The following GABRA5 variants were observed in gnomAD, a reference collection of about 807,000 sequenced individuals.
GABRA5 encodes the protein gamma-aminobutyric acid receptor subunit alpha-5.
Under a neutral mutation model 47.3 loss-of-function variants are expected in GABRA5, and 18 were observed. The observed-to-expected ratio is 0.38, with a 90% CI of 0.26 to 0.56. The LOEUF (loss-of-function observed/expected upper bound fraction) is 0.56, where lower values mean the gene tolerates loss of function less well. Ranked by LOEUF, GABRA5 falls within the 20% of genes least tolerant of loss-of-function variation. GABRA5 has a pLI of 0.71. For synonymous variants in GABRA5, 237 were observed against 229.3 expected (o/e 1.03, Z -0.30); for missense variants, 365 against 599.3 (o/e 0.61, Z 4.08).
At chr15:26,944,115 T>A (rs1894454858) in intron 10 of GABRA5, among the ~76,000 whole-genome samples, 1 of 152,156 alleles carries the variant, frequency 6.6e-6, no homozygotes, top group South Asian at 2.1e-4. Context: ...GTCAGAGCCA[T>A]CGGGGCGACC....
intron 8 of GABRA5, chr15:26,939,248 G>A (rs537457500): frequency 1.3e-6 from 1 of 765,300 alleles, no homozygotes; most frequent in East Asian, 2.4e-5. Context: ...AGTTCACCGT[G>A]AGGACGGCAT....
rs546484976 is a variant in GABRA5, at chr15:26,867,582, G to A, written c.-140+471G>A. 4.9e-3 allele frequency among the ~76,000 whole-genome samples: 739 copies of A among 152,102 alleles called. 7 individuals carry two copies. The highest frequency in any genetic ancestry group is 0.017 in the African/African-American group (700 of 41,532). On this transcript the variant is annotated intron_variant, in intron 1 of 10. Coordinates refer to ENST00000335625, the MANE Select transcript of GABRA5 (RefSeq NM_000810.4). The surrounding 1 kb of genome is among the most constrained non-coding windows in gnomAD (Gnocchi z 5.9). ...GCAAACTTTACCCTGGCGACTGCGG[G>A]GCTGAAGCCGGGCGCGGGAGAGAGC...
chr15:26,876,916 G>A (rs1402159850), intron 3 of GABRA5, among the ~76,000 whole-genome samples: 4 of 152,186 alleles, frequency 2.6e-5, no homozygotes, highest in Non-Finnish European at 2.9e-5. Flanking sequence ...ACAGGGCTGA[G>A]TCTAGGAAGG....
intron 6 of GABRA5, among the ~76,000 whole-genome samples, chr15:26,914,182 T>C (rs1417867370): frequency 6.6e-6 from 1 of 152,122 alleles, no homozygotes; most frequent in African/African-American, 2.4e-5. Flanking sequence ...ATAATTAGGG[T>C]GTACCAGAAG....
intron 6 of GABRA5, among the ~76,000 whole-genome samples, chr15:26,908,379 G>T (rs968778378): frequency 3.3e-5 from 5 of 152,108 alleles, no homozygotes; most frequent in Non-Finnish European, 5.9e-5. Flanking sequence ...CTGGTGTGCT[G>T]AATAAGCCCT....
intron 6 of GABRA5, among the ~76,000 whole-genome samples, chr15:26,912,119 G>A (rs887997258): frequency 2.0e-5 from 3 of 152,138 alleles, no homozygotes; most frequent in Non-Finnish European, 4.4e-5. Context: ...CAAGGCCACA[G>A]GCGATCGCAA....
intron 6 of GABRA5, among the ~76,000 whole-genome samples, chr15:26,890,426 A>ATTTTTTTTTTTTTTTTTT (rs201726196): frequency 1.6e-5 from 2 of 128,582 alleles, no homozygotes; most frequent in African/African-American, 3.2e-5. Flanking sequence ...AGTCACTTCA[A>ATTTTTTTTTTTTTTTTTT]TTTTTTTTTT....
At chr15:26,942,649 G>T (rs1333480948) in intron 9 of GABRA5, among the ~76,000 whole-genome samples, 1 of 152,174 alleles carries the variant, frequency 6.6e-6, no homozygotes, top group Non-Finnish European at 1.5e-5. Flanking sequence ...CTGGCTGTTT[G>T]CCTGGCTTTG....
At chr15:26,900,853 T>A (rs953827404) in intron 6 of GABRA5, among the ~76,000 whole-genome samples, 2 of 152,258 alleles carry the variant, frequency 1.3e-5, no homozygotes, top group African/African-American at 4.8e-5. Context: ...GTGCTCTGCT[T>A]AATTTTATCC....
chr15:26,878,519 A>C (rs28615730), intron 3 of GABRA5, among the ~76,000 whole-genome samples: 265 of 152,298 alleles, frequency 1.7e-3, no homozygotes, highest in African/African-American at 5.6e-3. Flanking sequence ...AACAAACAAA[A>C]AAAAACCCCT....
intron 3 of GABRA5, among the ~76,000 whole-genome samples, chr15:26,876,204 A>G (rs1892593582): frequency 6.6e-6 from 1 of 152,152 alleles, no homozygotes; most frequent in Admixed American, 6.5e-5. Flanking sequence ...TGGTGTGGGA[A>G]GCCCCTGGAG....
chr15:26,939,440 ACT>A, intron 8 of GABRA5: 1 of 762,244 alleles, frequency 1.3e-6, no homozygotes, highest in South Asian at 1.3e-5. Flanking sequence ...GCTGCATCTC[ACT>A]CTGCACCTGC....
chr15:26,942,327 T>C (rs1595437641), intron 9 of GABRA5, among the ~76,000 whole-genome samples: 1 of 152,178 alleles, frequency 6.6e-6, no homozygotes, highest in East Asian at 1.9e-4. Context: ...GTGTGGTCAC[T>C]GCAAAGTTTT....
intron 9 of GABRA5, among the ~76,000 whole-genome samples, chr15:26,942,368 G>T (rs147015104): frequency 1.1e-3 from 173 of 152,330 alleles, no homozygotes; most frequent in African/African-American, 4.0e-3. Flanking sequence ...TGCACAGCAG[G>T]CTCCAGGGGA....
At chr15:26,886,302 G>A (rs1892878717) in intron 6 of GABRA5, among the ~76,000 whole-genome samples, 1 of 152,200 alleles carries the variant, frequency 6.6e-6, no homozygotes, top group Admixed American at 6.5e-5. Flanking sequence ...TTACAGGCGT[G>A]AGCCACTGTG....
intron 6 of GABRA5, among the ~76,000 whole-genome samples, chr15:26,913,698 C>G (rs1194817419): frequency 2.0e-5 from 3 of 151,992 alleles, no homozygotes; most frequent in Non-Finnish European, 4.4e-5. Context: ...GAAAGAAAAA[C>G]TAACAAACAG....
intron 6 of GABRA5, among the ~76,000 whole-genome samples, chr15:26,885,842 G>A (rs1324688240): frequency 1.3e-5 from 2 of 152,152 alleles, no homozygotes; most frequent in African/African-American, 4.8e-5. Context: ...CGTAGGGCTG[G>A]GAGGAATGCT....
At chr15:26,909,493 G>T (rs1026310107) in intron 6 of GABRA5, among the ~76,000 whole-genome samples, 1 of 152,326 alleles carries the variant, frequency 6.6e-6, no homozygotes, top group South Asian at 2.1e-4. Context: ...CAAAGTTATT[G>T]TCTTGTAATT....
intron 3 of GABRA5, among the ~76,000 whole-genome samples, chr15:26,871,023 A>G (rs922145306): frequency 1.3e-5 from 2 of 152,160 alleles, no homozygotes; most frequent in African/African-American, 4.8e-5. Context: ...GTGAAACCCC[A>G]TCTCTATTAA....
Sources: gnomAD v4.1 joint callset for allele counts (sites outside exome capture counted in the v4.1 genomes callset) on GRCh38, gnomAD v4.1.1 for gene constraint, Gnocchi (gnomAD v3.1) non-coding constraint, MANE v1.5 for transcripts, NCBI Gene and HGNC (gene_info 2026-07-23, HGNC 2026-07-21) for gene names.